The following ITPR2 variants were observed in gnomAD, a reference collection of about 807,000 sequenced individuals.
The protein encoded by ITPR2 is inositol 1,4,5-trisphosphate receptor type 2.
A neutral mutation model predicts 317.1 loss-of-function variants in ITPR2; 207 were observed. The observed-to-expected ratio is 0.65, with a 90% CI of 0.58 to 0.73. ITPR2 has a LOEUF of 0.73. Among genes scored for constraint, ITPR2 ranks in the 30% least tolerant of loss-of-function variants. The pLI, the probability that ITPR2 is intolerant of heterozygous loss-of-function variation, is 0.00. For missense variants in ITPR2, 2,613 were observed against 3,284.0 expected (o/e 0.80, Z 4.99); for synonymous variants, 1,156 against 1,149.1 (o/e 1.01, Z -0.12).
intron 21 of ITPR2, chr12:26,649,197 CA>C (rs1473107928): frequency 1.7e-5 from 2 of 118,880 alleles, no homozygotes; most frequent in African/African-American, 6.4e-5. Flanking sequence ...TGTCTCCACA[CA>C]CACCCACACA....
intron 52 of ITPR2, among the ~76,000 whole-genome samples, chr12:26,407,457 GTC>G (rs1490198032): frequency 3.3e-5 from 5 of 152,090 alleles, no homozygotes; most frequent in Non-Finnish European, 7.4e-5. Flanking sequence ...CAACAGACAT[GTC>G]TCTAGACATT....
intron 54 of ITPR2, among the ~76,000 whole-genome samples, chr12:26,394,752 T>G (rs75244096): frequency 6.6e-6 from 1 of 152,088 alleles, no homozygotes; most frequent in South Asian, 2.1e-4. Context: ...AGCAGACCAT[T>G]TGGGGTTGTG....
At chr12:26,735,548 G>C (rs1399252369) in intron 2 of ITPR2, among the ~76,000 whole-genome samples, 1 of 152,198 alleles carries the variant, frequency 6.6e-6, no homozygotes, top group African/African-American at 2.4e-5. Context: ...AAAGTAGCAA[G>C]TATTCTTTCA....
intron 14 of ITPR2, among the ~76,000 whole-genome samples, chr12:26,664,788 AT>A (rs554529688): frequency 2.0e-4 from 31 of 152,246 alleles, no homozygotes; most frequent in African/African-American, 7.0e-4. Context: ...TTGAAATCAA[AT>A]TTTTTATATA....
chr12:26,646,172 A>G (rs191170217), intron 21 of ITPR2, among the ~76,000 whole-genome samples: 1 of 152,260 alleles, frequency 6.6e-6, no homozygotes, highest in East Asian at 1.9e-4. Context: ...GAGGAAGATT[A>G]CATACTAATC....
At chr12:26,811,852 T>C (rs1950756484) in intron 1 of ITPR2, among the ~76,000 whole-genome samples, 1 of 96,800 alleles carries the variant, frequency 1.0e-5, no homozygotes, top group African/African-American at 3.7e-5. Context: ...AGACTCCGTC[T>C]GAAAAAAAAA....
At chr12:26,758,648 G>A (rs1293053658) in intron 2 of ITPR2, among the ~76,000 whole-genome samples, 1 of 152,174 alleles carries the variant, frequency 6.6e-6, no homozygotes, top group Non-Finnish European at 1.5e-5. Flanking sequence ...GGTAGGACAG[G>A]GCATCTGACC....
intron 56 of ITPR2, 105 bp from the exon 57 acceptor site, chr12:26,339,588 C>A: frequency 1.3e-6 from 1 of 769,406 alleles, no homozygotes. Flanking sequence ...ACCTACTGTC[C>A]AGCATCATAT....
intron 49 of ITPR2, among the ~76,000 whole-genome samples, chr12:26,423,037 A>G (rs1940944189): frequency 1.3e-5 from 2 of 152,190 alleles, no homozygotes; most frequent in South Asian, 4.1e-4. Flanking sequence ...AATTGCTGAC[A>G]AAACAGAACA....
intron 45 of ITPR2, among the ~76,000 whole-genome samples, chr12:26,462,154 C>CTTTTGTTTCGTTTTG (rs1555133889): frequency 2.0e-5 from 3 of 149,574 alleles, no homozygotes; most frequent in Non-Finnish European, 4.4e-5. Context: ...ACAAGGAAAA[C>CTTTTGTTTCGTTTTG]TTTTGTTTTG....
intron 35 of ITPR2, among the ~76,000 whole-genome samples, chr12:26,559,454 C>T (rs189805180): frequency 2.8e-4 from 42 of 152,340 alleles, no homozygotes; most frequent in Middle Eastern, 3.4e-3. Flanking sequence ...GAGGGTACTT[C>T]TCTTGCTGTG....
intron 45 of ITPR2, among the ~76,000 whole-genome samples, chr12:26,455,288 A>G (rs1941852618): frequency 6.7e-6 from 1 of 150,080 alleles, no homozygotes; most frequent in South Asian, 2.1e-4. Flanking sequence ...GAGTTACATC[A>G]GACTAAGAAA....
intron 2 of ITPR2, among the ~76,000 whole-genome samples, chr12:26,784,294 T>C (rs79501093): frequency 9.2e-5 from 3 of 32,704 alleles, no homozygotes; most frequent in Non-Finnish European, 1.5e-4. Context: ...CCTCTCCCTC[T>C]CCCTCTCCCT....
chr12:26,552,998 C>T (rs146550122), intron 36 of ITPR2, among the ~76,000 whole-genome samples: 1 of 152,100 alleles, frequency 6.6e-6, no homozygotes, highest in Non-Finnish European at 1.5e-5. Context: ...TTTCTATGAT[C>T]AAAGTAAGAA....
chr12:26,715,197 G>T, intron 8 of ITPR2, 102 bp downstream of exon 8: 1 of 1,057,810 alleles, frequency 9.5e-7, no homozygotes, highest in Non-Finnish European at 1.4e-6. Flanking sequence ...TCTATTTTAT[G>T]ATTCTATCAT....
Position 26,589,853 on chromosome 12 carries a change from T to TATATACACAC in ITPR2, c.4380+5611_4380+5612insGTGTGTATAT, listed in dbSNP as rs780511857. ...ATAAACATATATATATATATATATA[T>TATATACACAC]ACACACACACACACACACACACACA... On this transcript the variant is annotated intron_variant, in intron 32 of 56. Coordinates refer to ENST00000381340, the MANE Select transcript of ITPR2 (RefSeq NM_002223.4). Among the ~76,000 whole-genome samples, 31 of 57,314 alleles carry TATATACACAC rather than the reference T, an allele frequency of 5.4e-4. 2 individuals are homozygous for TATATACACAC. The highest frequency in any genetic ancestry group is 2.1e-3 in the Admixed American group (9 of 4,228). 37.6% of individuals were successfully genotyped at this position (57,314 alleles called of 152,430 possible).
intron 2 of ITPR2, among the ~76,000 whole-genome samples, chr12:26,782,543 A>C (rs1950116386): frequency 6.6e-6 from 1 of 152,216 alleles, no homozygotes; most frequent in Non-Finnish European, 1.5e-5. Context: ...AGGTGGGACT[A>C]ATTCAATAGA....
chr12:26,444,690 T>C (rs1045557418), intron 45 of ITPR2, among the ~76,000 whole-genome samples: 7 of 152,070 alleles, frequency 4.6e-5, no homozygotes, highest in Non-Finnish European at 8.8e-5. Flanking sequence ...CAATAAGTTT[T>C]CCTATTATTC....
intron 37 of ITPR2, among the ~76,000 whole-genome samples, chr12:26,535,402 C>A (rs932622156): frequency 6.6e-6 from 1 of 152,162 alleles, no homozygotes; most frequent in Non-Finnish European, 1.5e-5. Context: ...CATTGGTAGA[C>A]AGTGTTGTTA....
Sources: allele counts gnomAD v4.1 joint callset (sites outside exome capture counted in the v4.1 genomes callset), GRCh38; gene constraint gnomAD v4.1.1; transcripts MANE v1.5; gene names NCBI Gene and HGNC (gene_info 2026-07-23, HGNC 2026-07-21).